PXDNL: variants seen among roughly 807,000 people sequenced by gnomAD.
The protein encoded by PXDNL is probable oxidoreductase PXDNL.
A neutral mutation model predicts 150.8 loss-of-function variants in PXDNL; 145 were observed. That is an observed-to-expected ratio of 0.96 (90% CI 0.84 to 1.10). The LOEUF (loss-of-function observed/expected upper bound fraction) is 1.10. Ranked by LOEUF, PXDNL falls within the 50% of genes least tolerant of loss-of-function variation. The pLI is 0.00. For synonymous variants in PXDNL, 757 were observed against 725.7 expected, an observed-to-expected ratio of 1.04 and a Z score of -0.69; for missense variants, 2,087 against 1,873.9, an observed-to-expected ratio of 1.11 and a Z score of -2.10.
Position 51,392,392 on chromosome 8 carries a change from C to G in PXDNL, c.3557+15675G>C, listed in dbSNP as rs548415212. Among the ~76,000 whole-genome samples the G allele has an allele frequency of 3.0e-3, 458 of 151,704 alleles. 4 individuals are homozygous for G. The highest frequency in any genetic ancestry group is 0.011 in the African/African-American group (445 of 41,090). On this transcript the variant is annotated intron_variant, in intron 17 of 22. Coordinates refer to ENST00000356297, the MANE Select transcript of PXDNL (RefSeq NM_144651.5). Reference sequence around the variant, plus strand: ...ATGAGCATGGAATGTTCTTCCATTTCTTTGTATCCTCTTTTATTTCATTGA... The same window carrying G: ...ATGAGCATGGAATGTTCTTCCATTTGTTTGTATCCTCTTTTATTTCATTGA...
chr8:51,409,384 G>A lies in PXDNL; in HGVS notation c.2240C>T (p.Thr747Ile). The A allele has an allele frequency of 6.3e-7, 1 of 1,593,916 alleles. No homozygotes were observed. Among genetic ancestry groups the A allele is most frequent in the Non-Finnish European group, 8.5e-7 (1 of 1,172,556 alleles). The change falls in exon 17 of 23, where the codon ACC becomes ATC. Residue 747 changes from threonine (T) to isoleucine (I), a missense_variant. By Grantham distance (89) the Thr-to-Ile change is moderately conservative. Coordinates refer to ENST00000356297, the MANE Select transcript of PXDNL (RefSeq NM_144651.5). ...LQQPTWGAAL[T>I]AFARLLQPAY... Reference sequence around the variant, plus strand: ...TGGCTGCAGCAGGCGCGCGAAGGCGGTCAGCGCCGCGCCCCACGTGGGCTG... The same window carrying A: ...TGGCTGCAGCAGGCGCGCGAAGGCGATCAGCGCCGCGCCCCACGTGGGCTG...
chr8:51,545,685 A>G (rs1004702649), intron 4 of PXDNL, among the ~76,000 whole-genome samples: 7 of 152,152 alleles, frequency 4.6e-5, no homozygotes, highest in Non-Finnish European at 1.0e-4. Context: ...AAAAAAGCAC[A>G]TCCTTTCATA....
chr8:51,324,100 C>T (rs1805413631), intron 21 of PXDNL, among the ~76,000 whole-genome samples: 1 of 152,090 alleles, frequency 6.6e-6, no homozygotes, highest in Non-Finnish European at 1.5e-5. Flanking sequence ...TACAGAAATG[C>T]CATTAATTTT....
chr8:51,435,032 T>A (rs528062963), intron 12 of PXDNL, among the ~76,000 whole-genome samples: 27 of 152,146 alleles, frequency 1.8e-4, no homozygotes, highest in Non-Finnish European at 3.5e-4. Context: ...ACAAGAGTCT[T>A]CATTGGCCGG....
At chr8:51,568,494 C>T (rs1160784688) in intron 3 of PXDNL, among the ~76,000 whole-genome samples, 1 of 151,774 alleles carries the variant, frequency 6.6e-6, no homozygotes, top group Non-Finnish European at 1.5e-5. Context: ...TTTTCCTATA[C>T]AGGTAAGGTG....
chr8:51,408,249 C>A lies in PXDNL; in HGVS notation c.3375G>T (p.Arg1125Ser). 6.2e-7 allele frequency: 1 copy of A among 1,613,980 alleles called. No homozygotes were observed. The highest frequency in any genetic ancestry group is 2.2e-5 in the East Asian group (1 of 44,870). The change falls in exon 17 of 23, where the codon AGG becomes AGT. Residue 1125 changes from arginine to serine, a missense_variant. Physicochemically the swap from Arg to Ser is moderately radical, Grantham distance 110 (BLOSUM62 -1). Coordinates refer to ENST00000356297, the MANE Select transcript of PXDNL (RefSeq NM_144651.5). ...CCGCAGAATAAGCCGCGGAGAAGAGCCTCTGGGTCAGCTCAGGACTGAGAA... is the reference window on the plus strand; with the variant it reads ...CCGCAGAATAAGCCGCGGAGAAGAGACTCTGGGTCAGCTCAGGACTGAGAA... ...SYLLSPELTQ[R>S]LFSAAYSAAV...
At chr8:51,322,413 G>A (rs1805351914) in intron 21 of PXDNL, among the ~76,000 whole-genome samples, 3 of 151,944 alleles carry the variant, frequency 2.0e-5, no homozygotes, top group Admixed American at 2.0e-4. Flanking sequence ...TCCTTTGTTG[G>A]GGAGATCTAC....
intron 5 of PXDNL, among the ~76,000 whole-genome samples, chr8:51,497,592 C>T (rs542178698): frequency 2.0e-4 from 31 of 152,212 alleles, no homozygotes; most frequent in African/African-American, 7.5e-4. Flanking sequence ...AAGAAAAAAG[C>T]AAACAACCCC....
chr8:51,807,779 G>T (rs1030361278), intron 1 of PXDNL, among the ~76,000 whole-genome samples: 1 of 152,134 alleles, frequency 6.6e-6, no homozygotes, highest in Non-Finnish European at 1.5e-5. Flanking sequence ...AAACACCTAG[G>T]AAACAAAATT....
chr8:51,509,030 G>T (rs902214948), intron 4 of PXDNL, among the ~76,000 whole-genome samples: 6 of 152,070 alleles, frequency 3.9e-5, no homozygotes, highest in Non-Finnish European at 8.8e-5. Context: ...CACCACTTCT[G>T]GCCTAGTGTA....
Position 51,408,738 on chromosome 8 carries a change from G to T in PXDNL, c.2886C>A (p.Asn962Lys). 1.3e-6 allele frequency: 2 copies of T among 1,588,462 alleles called. No individual in the cohort carries two copies. Among genetic ancestry groups the T allele is most frequent in the Non-Finnish European group, 1.7e-6 (2 of 1,167,424 alleles). The change falls in exon 17 of 23, where the codon AAC (asparagine) becomes AAA (lysine). Residue 962 changes from asparagine to lysine, a missense_variant. Asn to Lys is a moderately conservative substitution (Grantham distance 94, BLOSUM62 0). Coordinates refer to ENST00000356297, the MANE Select transcript of PXDNL (RefSeq NM_144651.5). ...GCATGGCGGCCAGAGCCAGATGCTC[G>T]TTGGCCCGGTGGTCCCCGGCCAGGA... ...PCFLAGDHRA[N>K]EHLALAAMHT...
At chr8:51,431,578 T>A (rs2129802858) in intron 12 of PXDNL, among the ~76,000 whole-genome samples, 1 of 152,324 alleles carries the variant, frequency 6.6e-6, no homozygotes, top group South Asian at 2.1e-4. Context: ...TCTTAGCTGC[T>A]AAGACTCTTG....
At chr8:51,514,971 T>C (rs545377492) in intron 4 of PXDNL, among the ~76,000 whole-genome samples, 2 of 152,334 alleles carry the variant, frequency 1.3e-5, no homozygotes, top group African/African-American at 4.8e-5. Flanking sequence ...TGAAGCATCA[T>C]GACATTGTCT....
intron 4 of PXDNL, among the ~76,000 whole-genome samples, chr8:51,506,327 G>A (rs1226605669): frequency 1.3e-5 from 2 of 152,208 alleles, no homozygotes; most frequent in East Asian, 3.9e-4. Flanking sequence ...CGGATCACGA[G>A]ATCAGGAGAT....
intron 1 of PXDNL, 62 bp from the exon 2 acceptor site, chr8:51,654,822 C>T: frequency 7.5e-7 from 1 of 1,326,198 alleles, no homozygotes; most frequent in Non-Finnish European, 1.1e-6. Context: ...CCATTATTTC[C>T]AGAAGCTTGA....
Position 51,371,864 on chromosome 8 carries a change from A to G in PXDNL, c.3901+9T>C. 6.2e-7 allele frequency: 1 copy of G among 1,610,500 alleles called. No individual in the cohort carries two copies. On this transcript the variant is annotated intron_variant, in intron 19 of 22. Coordinates refer to ENST00000356297, the MANE Select transcript of PXDNL (RefSeq NM_144651.5). ...CAATCCAGATCGTGCTCATTGCATT[A>G]TTACTGACCTGCACAGCAGTCTTGC...
chr8:51,391,863 T>C (rs1807921746), intron 17 of PXDNL, among the ~76,000 whole-genome samples: 1 of 152,240 alleles, frequency 6.6e-6, no homozygotes, highest in African/African-American at 2.4e-5. Flanking sequence ...AGGATTTTTA[T>C]GGTTTTAGGT....
chr8:51,424,844 C>T (rs1586095985), intron 13 of PXDNL, among the ~76,000 whole-genome samples: 1 of 152,180 alleles, frequency 6.6e-6, no homozygotes, highest in Non-Finnish European at 1.5e-5. Context: ...TAACATTTCA[C>T]AGGTCTTCGG....
chr8:51,633,369 T>C (rs536536929), intron 2 of PXDNL, among the ~76,000 whole-genome samples: 5 of 152,326 alleles, frequency 3.3e-5, no homozygotes, highest in Non-Finnish European at 7.3e-5. Flanking sequence ...TGAATGCATG[T>C]GTCTTTTTGG....
Sources: allele counts gnomAD v4.1 joint callset (sites outside exome capture counted in the v4.1 genomes callset), GRCh38; gene constraint gnomAD v4.1.1; transcripts MANE v1.5; gene names NCBI Gene and HGNC (gene_info 2026-07-23, HGNC 2026-07-21).